The following CHN2 variants were observed in gnomAD, a reference collection of about 807,000 sequenced individuals.
CHN2 encodes the protein chimerin 2, also known as beta-chimaerin.
CHN2 carries 35 observed loss-of-function variants against 56.3 expected under a neutral mutation model. The ratio of observed to expected loss-of-function variants is 0.62; its 90% CI spans 0.47 to 0.82. CHN2 has a LOEUF of 0.82. CHN2 is among the 40% of genes least tolerant of loss of function. The pLI, the probability that CHN2 is intolerant of heterozygous loss-of-function variation, is 0.00. For synonymous variants in CHN2, 210 were observed against 212.8 expected (o/e 0.99, Z 0.12); for missense variants, 491 against 580.5 (o/e 0.85, Z 1.58).
At chr7:29,388,643 G>A (rs1004422261) in intron 3 of CHN2, among the ~76,000 whole-genome samples, 35 of 152,210 alleles carry the variant, frequency 2.3e-4, no homozygotes, top group East Asian at 3.9e-4. Context: ...AGAGCCTGCC[G>A]TCTTAACCCA....
At chr7:29,149,725 T>A (rs1228147735) in intron 2 of CHN2, among the ~76,000 whole-genome samples, 2 of 152,118 alleles carry the variant, frequency 1.3e-5, no homozygotes, top group Non-Finnish European at 2.9e-5. Context: ...TCGCTGCTTC[T>A]AGGTTCTGGT....
Position 29,512,729 on chromosome 7 carries a change from A to AT in CHN2, c.1403dup (p.Ter469LeufsTer29), listed in dbSNP as rs768118918. On this transcript the variant is annotated frameshift_variant, in exon 13 of 13. Coordinates refer to ENST00000222792, the MANE Select transcript of CHN2 (RefSeq NM_004067.4). LOFTEE classifies it high-confidence loss of function. Reference sequence around the variant, plus strand: ...TTTTAATAGAAAACGAAGACGTTTTATTCTAATCCATCAGGGAAATGAGCT... The same window carrying AT: ...TTTTAATAGAAAACGAAGACGTTTTATTTCTAATCCATCAGGGAAATGAGCT... 8 of 1,614,000 alleles carry AT rather than the reference A, an allele frequency of 5.0e-6. No homozygotes were observed. The highest frequency in any genetic ancestry group is 8.5e-7 in the Non-Finnish European group (1 of 1,179,956).
rs1466337012 is a variant in CHN2 at position 29,509,338 on chromosome 7, T to C, written c.1167T>C (p.His389=). 3 of 1,614,114 alleles carry C rather than the reference T, an allele frequency of 1.9e-6. No homozygotes were observed. ...CAGATGAGAGGCTGGAAGCCGTCCATGAAGTGCTGATGCTGCTGCCTCCTG... is the reference window on the plus strand; with the variant it reads ...CAGATGAGAGGCTGGAAGCCGTCCACGAAGTGCTGATGCTGCTGCCTCCTG... ...SNADERLEAV[H]EVLMLLPPAH... is the part of the protein sequence containing the mutation. Residue 389 remains histidine (H), a synonymous_variant, in exon 12 of 13, where the codon CAT becomes CAC. Transcript: ENST00000222792.
chr7:29,372,583 A>G (rs1400174603), intron 3 of CHN2, among the ~76,000 whole-genome samples: 1 of 152,228 alleles, frequency 6.6e-6, no homozygotes, highest in Non-Finnish European at 1.5e-5. Context: ...GAATCAGTAA[A>G]TAAATCAGTA....
chr7:29,499,331 A>G (rs1015770741), intron 8 of CHN2, among the ~76,000 whole-genome samples: 4 of 152,224 alleles, frequency 2.6e-5, no homozygotes, highest in Admixed American at 2.6e-4. Context: ...CCAAGGAGGA[A>G]GGGATTGGAA....
intron 1 of CHN2, among the ~76,000 whole-genome samples, chr7:29,271,060 CA>C (rs1468226371): frequency 6.6e-6 from 1 of 152,056 alleles, no homozygotes; most frequent in African/African-American, 2.4e-5. Context: ...AGACAGTTCC[CA>C]GGATTCAAAA....
Position 29,472,122 on chromosome 7 carries a change from A to C in CHN2, c.577-8157A>C, listed in dbSNP as rs1585515281. 2.0e-5 allele frequency among the ~76,000 whole-genome samples: 3 copies of C among 152,268 alleles called. No homozygotes were observed. In the East Asian group the frequency reaches 5.8e-4, roughly 29 times the overall value. ...GATTATCATTCGGCAATTGGAGCTT[A>C]TTTCACTTAGCATTTCTAGTTTTTT... On this transcript the variant is annotated intron_variant, in intron 6 of 12. Transcript: ENST00000222792.
chr7:29,438,271 G>A (rs1446267342), intron 6 of CHN2, among the ~76,000 whole-genome samples: 2 of 152,178 alleles, frequency 1.3e-5, no homozygotes, highest in Non-Finnish European at 2.9e-5. Flanking sequence ...TAAACACTAT[G>A]CAGATTCAAG....
chr7:29,456,609 G>GC (rs1218067011), intron 6 of CHN2, among the ~76,000 whole-genome samples: 39 of 20,756 alleles, frequency 1.9e-3, no homozygotes, highest in East Asian at 0.012. Context: ...GCCACCACCC[G>GC]CCCCCTCCCC....
chr7:29,159,414 G>A (rs957168129), intron 2 of CHN2, among the ~76,000 whole-genome samples: 2 of 152,170 alleles, frequency 1.3e-5, no homozygotes, highest in African/African-American at 4.8e-5. Flanking sequence ...TAATGTTTTG[G>A]ATGGCAGTAT....
chr7:29,213,188 C>T (rs1197210946), intron 1 of CHN2: 7 of 1,302,762 alleles, frequency 5.4e-6, no homozygotes, highest in Non-Finnish European at 7.7e-6. Flanking sequence ...TAAACTACTC[C>T]ACGAACACGC....
intron 3 of CHN2, among the ~76,000 whole-genome samples, chr7:29,392,162 A>G (rs1322296233): frequency 2.0e-5 from 3 of 152,240 alleles, no homozygotes; most frequent in East Asian, 3.8e-4. Context: ...TTGCCATTAT[A>G]TATCCTCAAC....
chr7:29,399,644 A>G (rs979409736), intron 5 of CHN2, among the ~76,000 whole-genome samples: 2 of 152,210 alleles, frequency 1.3e-5, no homozygotes, highest in Non-Finnish European at 2.9e-5. Flanking sequence ...CCCTCTCTCC[A>G]TAGGGGGAAT....
chr7:29,224,346 A>G (rs915752036), intron 1 of CHN2, among the ~76,000 whole-genome samples: 1 of 152,240 alleles, frequency 6.6e-6, no homozygotes. Flanking sequence ...CCATGGTCAG[A>G]TACTGTTAAA....
intron 6 of CHN2, among the ~76,000 whole-genome samples, chr7:29,448,868 C>G (rs1434188942): frequency 6.6e-6 from 1 of 152,182 alleles, no homozygotes; most frequent in Non-Finnish European, 1.5e-5. Context: ...TTCTGTTATC[C>G]CCAACCAGAC....
At chr7:29,329,466 T>C (rs903293883) in intron 1 of CHN2, among the ~76,000 whole-genome samples, 5 of 151,302 alleles carry the variant, frequency 3.3e-5, no homozygotes, top group East Asian at 3.9e-4. Flanking sequence ...TTTTTCTCAT[T>C]TTTTGATCAC....
Position 29,398,481 on chromosome 7 carries a change from T to C in CHN2, c.285T>C (p.Ala95=). ...SQRQPGCYTL[A]LRFGNQTLNY... is the part of the protein sequence containing the mutation. ...GGCAACCAGGATGCTACACGCTGGC[T>C]CTCAGGTGAGGCGCATTTCATTCCT... is the stretch of plus-strand genomic sequence containing the variant. The change falls in exon 5 of 13, where the codon GCT becomes GCC. Residue 95 remains alanine (A), a synonymous_variant. Coordinates refer to ENST00000222792, the MANE Select transcript of CHN2 (RefSeq NM_004067.4). The C allele has an allele frequency of 6.2e-7, 1 of 1,606,468 alleles. No individual in the cohort carries two copies. The highest frequency in any genetic ancestry group is 8.5e-7 in the Non-Finnish European group (1 of 1,173,928).
intron 5 of CHN2, 103 bp from the exon 6 acceptor site, chr7:29,400,440 C>T: frequency 8.6e-7 from 1 of 1,158,328 alleles, no homozygotes; most frequent in Non-Finnish European, 1.3e-6. Context: ...AGCCCTGTGC[C>T]TGGGATACAC....
rs1306531057 is a variant in CHN2 at position 29,252,594 on chromosome 7, T to TG, written c.49+57604_49+57605insG. ...GCATTCTTTGTTTTTTTTTTTTTTTTTTTTTTTTTTTTGAGACGGAGTCTC... is the reference window on the plus strand; with the variant it reads ...GCATTCTTTGTTTTTTTTTTTTTTTTGTTTTTTTTTTTTGAGACGGAGTCTC... On this transcript the variant is annotated intron_variant, in intron 1 of 12. Transcript: ENST00000222792. Among the ~76,000 whole-genome samples the TG allele has an allele frequency of 2.5e-3, 120 of 48,062 alleles. 25 individuals are homozygous for TG. The highest frequency in any genetic ancestry group is 9.2e-3 in the African/African-American group (86 of 9,334). 31.5% of individuals were successfully genotyped at this position (48,062 alleles called of 152,430 possible).
Sources: allele counts gnomAD v4.1 joint callset (sites outside exome capture counted in the v4.1 genomes callset), GRCh38; gene constraint gnomAD v4.1.1; transcripts MANE v1.5; gene names NCBI Gene and HGNC (gene_info 2026-07-23, HGNC 2026-07-21).